SYNPR: variants seen among roughly 807,000 people sequenced by gnomAD.
SYNPR encodes synaptoporin.
SYNPR carries 23 observed loss-of-function variants against 32.9 expected under a neutral mutation model. That is an observed-to-expected ratio of 0.70 (90% CI 0.50 to 0.99). The LOEUF is 0.99. SYNPR is among the 50% of genes least tolerant of loss of function. The probability of loss-of-function intolerance (pLI) is 0.00; values close to 1 mark genes in which losing one functional copy is unlikely to be tolerated. For missense variants in SYNPR, 318 were observed against 349.3 expected, an observed-to-expected ratio of 0.91 and a Z score of 0.71; for synonymous variants, 146 against 135.9, an observed-to-expected ratio of 1.07 and a Z score of -0.52.
Position 63,410,222 on chromosome 3 carries a change from A to G in SYNPR, c.85-70610A>G, listed in dbSNP as rs138499106. ...ATGTGGACTAGGTACTGCAAAAACA[A>G]GACATGACAATTGTCTTTATCATCT... is the stretch of plus-strand genomic sequence containing the variant. On this transcript the variant is annotated intron_variant, in intron 2 of 5. Coordinates refer to ENST00000478300, the MANE Select transcript of SYNPR (RefSeq NM_001130003.2). 1.5e-4 allele frequency among the ~76,000 whole-genome samples: 23 copies of G among 152,314 alleles called. No individual in the cohort carries two copies. The East Asian group carries it at 4.1e-3, about 27-fold the overall frequency.
the SYNPR span, among the ~76,000 whole-genome samples, chr3:63,206,086 T>G: frequency 6.6e-6 from 1 of 152,210 alleles, no homozygotes. Context: ...TTTGCTTGTA[T>G]GCAATCTAGT....
intron 1 of SYNPR, among the ~76,000 whole-genome samples, chr3:63,234,105 C>T (rs1201380980): frequency 6.6e-6 from 1 of 152,144 alleles, no homozygotes; most frequent in African/African-American, 2.4e-5. Context: ...GTTTAATGGA[C>T]TTCCATTTCC....
intron 2 of SYNPR, among the ~76,000 whole-genome samples, chr3:63,452,877 G>T (rs185900657): frequency 5.8e-4 from 88 of 152,188 alleles, no homozygotes; most frequent in Non-Finnish European, 9.0e-4. Context: ...GGGAAAAAAT[G>T]GATCTTTTTA....
intron 2 of SYNPR, among the ~76,000 whole-genome samples, chr3:63,420,935 C>T (rs774390842): frequency 1.3e-5 from 2 of 152,096 alleles, no homozygotes; most frequent in African/African-American, 4.8e-5. Flanking sequence ...GGCTGGAGTG[C>T]AGTGGCGTGA....
chr3:63,487,825 G>A (rs959620323), intron 3 of SYNPR, among the ~76,000 whole-genome samples: 10 of 152,264 alleles, frequency 6.6e-5, no homozygotes, highest in African/African-American at 2.4e-4. Flanking sequence ...CGGTGGAGTA[G>A]GAGACTGAGG....
intron 3 of SYNPR, among the ~76,000 whole-genome samples, chr3:63,518,683 T>C (rs972033129): frequency 6.6e-6 from 1 of 152,154 alleles, no homozygotes; most frequent in African/African-American, 2.4e-5. Context: ...GCTGATTTTA[T>C]ACCTGGCACA....
chr3:63,289,232 C>T (rs1040750959), intron 2 of SYNPR: 3 of 152,182 alleles, frequency 2.0e-5, no homozygotes, highest in African/African-American at 7.2e-5. Flanking sequence ...AGCATTGTTA[C>T]ATTGTTTTTT....
chr3:63,367,125 G>T (rs1226500839), intron 2 of SYNPR, among the ~76,000 whole-genome samples: 2 of 152,070 alleles, frequency 1.3e-5, no homozygotes, highest in Non-Finnish European at 1.5e-5. Context: ...GCACTTTTGG[G>T]GTTACAAACT....
At chr3:63,589,409 T>C (rs544419845) in intron 4 of SYNPR, among the ~76,000 whole-genome samples, 3 of 152,260 alleles carry the variant, frequency 2.0e-5, no homozygotes, top group African/African-American at 7.2e-5. Flanking sequence ...TTCTATTAAC[T>C]ACCATATTTC....
intron 1 of SYNPR, among the ~76,000 whole-genome samples, chr3:63,236,560 G>A (rs984485902): frequency 6.6e-6 from 1 of 152,010 alleles, no homozygotes; most frequent in African/African-American, 2.4e-5. Flanking sequence ...AGGTTAACAT[G>A]TTGTAATATT....
At chr3:63,482,868 G>A (rs572669594) in intron 3 of SYNPR, among the ~76,000 whole-genome samples, 1 of 152,226 alleles carries the variant, frequency 6.6e-6, no homozygotes, top group Admixed American at 6.5e-5. Flanking sequence ...AATAAGCCAG[G>A]ATTTATACAG....
intron 4 of SYNPR, 32 bp from the exon 5 acceptor site, chr3:63,609,093 T>C: frequency 6.4e-7 from 1 of 1,556,456 alleles, no homozygotes. Flanking sequence ...ACATTTTCTT[T>C]TACCATTTTC....
chr3:63,454,116 G>C (rs1700434604), intron 2 of SYNPR, among the ~76,000 whole-genome samples: 1 of 152,102 alleles, frequency 6.6e-6, no homozygotes, highest in Non-Finnish European at 1.5e-5. Flanking sequence ...TGGGAATGCA[G>C]TAGTGTTATA....
intron 3 of SYNPR, among the ~76,000 whole-genome samples, chr3:63,494,486 T>C (rs11713644): frequency 0.099 from 11,254 of 113,166 alleles, 1,287 homozygotes; most frequent in East Asian, 0.17. Flanking sequence ...TACATATATA[T>C]ACATATATAT....
intron 2 of SYNPR, among the ~76,000 whole-genome samples, chr3:63,261,497 A>T (rs1322640167): frequency 6.9e-6 from 1 of 145,870 alleles, no homozygotes; most frequent in Non-Finnish European, 1.5e-5. Flanking sequence ...ATTCTCACTC[A>T]TAGCTGGGAA....
chr3:63,571,483 T>C (rs1279580583), intron 4 of SYNPR, among the ~76,000 whole-genome samples: 1 of 152,142 alleles, frequency 6.6e-6, no homozygotes, highest in Non-Finnish European at 1.5e-5. Flanking sequence ...GGGAGGTTAC[T>C]TGATAAATAG....
At chr3:63,419,027 A>G (rs2088575475) in intron 2 of SYNPR, among the ~76,000 whole-genome samples, 1 of 152,176 alleles carries the variant, frequency 6.6e-6, no homozygotes, top group South Asian at 2.1e-4. Context: ...CATTCTCTCC[A>G]CTTTTTCTAG....
intron 3 of SYNPR, among the ~76,000 whole-genome samples, chr3:63,530,891 C>T (rs969976759): frequency 6.6e-6 from 1 of 152,186 alleles, no homozygotes; most frequent in Non-Finnish European, 1.5e-5. Context: ...TTGAAAGAGA[C>T]AGCTATTCTC....
chr3:63,238,464 G>A lies in SYNPR; in HGVS notation n.66+10084G>A, dbSNP rs145712890. Among the ~76,000 whole-genome samples, 16 of 151,584 alleles carry A rather than the reference G, an allele frequency of 1.1e-4. No homozygotes were observed. The East Asian group carries it at 1.2e-3, about 11-fold the overall frequency. On this transcript the variant is annotated intron_variant and non_coding_transcript_variant, in intron 1 of 4. Transcript: ENST00000478456. ...TTTTCCCCTCCACCCTCTACTCTCC[G>A]CGTCCCCCTTCCCTCTCCCATCTGC...
Sources: allele counts gnomAD v4.1 joint callset (sites outside exome capture counted in the v4.1 genomes callset), GRCh38; gene constraint gnomAD v4.1.1; transcripts MANE v1.5; gene names NCBI Gene and HGNC (gene_info 2026-07-23, HGNC 2026-07-21).